The following KCNIP1 variants were observed in gnomAD, a reference collection of about 807,000 sequenced individuals.
The protein encoded by KCNIP1 is A-type potassium channel modulatory protein KCNIP1.
In KCNIP1, 18 loss-of-function variants were observed where a neutral mutation model predicts 33.0. That is an observed-to-expected ratio of 0.55 (90% CI 0.38 to 0.81). The LOEUF (loss-of-function observed/expected upper bound fraction) is 0.81, where lower values mean the gene tolerates loss of function less well. KCNIP1 is among the 30% of genes least tolerant of loss of function. The pLI, the probability that KCNIP1 is intolerant of heterozygous loss-of-function variation, is 0.00. For synonymous variants in KCNIP1, 93 were observed against 98.3 expected, an observed-to-expected ratio of 0.95 and a Z score of 0.32; for missense variants, 238 against 271.6, an observed-to-expected ratio of 0.88 and a Z score of 0.87.
intron 1 of KCNIP1, among the ~76,000 whole-genome samples, chr5:170,670,204 G>T (rs963232949): frequency 7.9e-5 from 12 of 152,170 alleles, no homozygotes; most frequent in African/African-American, 2.9e-4. Context: ...TTTTCTTAGT[G>T]AATATTTGTT....
chr5:170,705,468 G>A (rs949907006), intron 1 of KCNIP1, among the ~76,000 whole-genome samples: 1 of 152,186 alleles, frequency 6.6e-6, no homozygotes, highest in African/African-American at 2.4e-5. Flanking sequence ...TAAGGGCAGA[G>A]GAGCCAGAGC....
At chr5:170,419,819 G>A (rs1755433261) in intron 1 of KCNIP1, among the ~76,000 whole-genome samples, 1 of 152,334 alleles carries the variant, frequency 6.6e-6, no homozygotes, top group Admixed American at 6.5e-5. Context: ...ATGGGAGAAG[G>A]CAGCATGTTT....
At chr5:170,474,679 G>T (rs1756811927) in intron 1 of KCNIP1, among the ~76,000 whole-genome samples, 1 of 152,190 alleles carries the variant, frequency 6.6e-6, no homozygotes, top group African/African-American at 2.4e-5. Flanking sequence ...TTCAGAGAGG[G>T]TAAGTGACTT....
intron 1 of KCNIP1, among the ~76,000 whole-genome samples, chr5:170,529,637 C>A (rs767106870): frequency 1.3e-5 from 2 of 152,204 alleles, no homozygotes; most frequent in African/African-American, 4.8e-5. Flanking sequence ...CTTTGCAGGG[C>A]GCCTGCTTCC....
At chr5:170,608,510 G>A (rs983722943) in intron 1 of KCNIP1, among the ~76,000 whole-genome samples, 2 of 152,168 alleles carry the variant, frequency 1.3e-5, no homozygotes, top group African/African-American at 2.4e-5. Flanking sequence ...AGTGGCTCAC[G>A]CCAGTAATCC....
intron 1 of KCNIP1, among the ~76,000 whole-genome samples, chr5:170,578,191 A>T (rs1757670051): frequency 6.6e-6 from 1 of 152,246 alleles, no homozygotes; most frequent in South Asian, 2.1e-4. Context: ...AAGGGGGGAA[A>T]GAAAACTAGA....
intron 1 of KCNIP1, among the ~76,000 whole-genome samples, chr5:170,371,758 G>C (rs1763851991): frequency 6.6e-6 from 1 of 152,204 alleles, no homozygotes; most frequent in Non-Finnish European, 1.5e-5. Flanking sequence ...CAAGTGATCA[G>C]CTAAATATAT....
rs74892702 is a variant in KCNIP1, at chr5:170,560,436, G to T, written c.61+55803G>T. On this transcript the variant is annotated intron_variant, in intron 1 of 7. Transcript: ENST00000328939. ...AATATAAGATCTGAGTCTTATGATGGACTCTGTGACCTTGAGCCTCTCACC... is the reference window on the plus strand; with the variant it reads ...AATATAAGATCTGAGTCTTATGATGTACTCTGTGACCTTGAGCCTCTCACC... Among the ~76,000 whole-genome samples, 134 of 152,190 alleles carry T rather than the reference G, an allele frequency of 8.8e-4. No individual in the cohort carries two copies. In the Middle Eastern group the frequency reaches 0.01, roughly 12 times the overall value.
chr5:170,557,355 T>C (rs1450803301), intron 1 of KCNIP1, among the ~76,000 whole-genome samples: 1 of 152,172 alleles, frequency 6.6e-6, no homozygotes, highest in Non-Finnish European at 1.5e-5. Context: ...TGAAGATGGG[T>C]CCATTGCGAA....
intron 5 of KCNIP1, among the ~76,000 whole-genome samples, chr5:170,726,743 T>TAGAAAAAAAA (rs1764019336): frequency 3.5e-5 from 1 of 28,628 alleles, no homozygotes; most frequent in Admixed American, 4.4e-4. Flanking sequence ...CTACTAAAAA[T>TAGAAAAAAAA]ACAAAAAAAA....
At chr5:170,368,510 G>A (rs558525685) in intron 1 of KCNIP1, among the ~76,000 whole-genome samples, 41 of 152,142 alleles carry the variant, frequency 2.7e-4, no homozygotes, top group Non-Finnish European at 4.4e-4. Flanking sequence ...TGATCCGCCC[G>A]CCTCAGCCTC....
At chr5:170,598,971 G>T (rs900574539) in intron 1 of KCNIP1, among the ~76,000 whole-genome samples, 2 of 151,482 alleles carry the variant, frequency 1.3e-5, no homozygotes, top group African/African-American at 4.9e-5. Context: ...AGGCAGAAGA[G>T]GAAGAGAGGG....
intron 1 of KCNIP1, among the ~76,000 whole-genome samples, chr5:170,354,993 A>G (rs996525240): frequency 6.6e-6 from 1 of 152,254 alleles, no homozygotes; most frequent in African/African-American, 2.4e-5. Flanking sequence ...AATGACAATG[A>G]GAGCAGAGAA....
intron 1 of KCNIP1, among the ~76,000 whole-genome samples, chr5:170,525,147 C>T (rs1208685048): frequency 1.3e-5 from 2 of 152,192 alleles, no homozygotes; most frequent in African/African-American, 2.4e-5. Context: ...GAACCCACGC[C>T]TGGGAGCCAG....
intron 1 of KCNIP1, among the ~76,000 whole-genome samples, chr5:170,403,192 G>T (rs973606338): frequency 1.3e-4 from 20 of 152,128 alleles, no homozygotes; most frequent in African/African-American, 4.8e-4. Context: ...AGGTACCAGA[G>T]ATAAGAGCCA....
chr5:170,697,700 T>C (rs1762946452), intron 1 of KCNIP1, among the ~76,000 whole-genome samples: 1 of 152,208 alleles, frequency 6.6e-6, no homozygotes, highest in African/African-American at 2.4e-5. Context: ...AACTTCTTTC[T>C]GACCCTCATG....
intron 1 of KCNIP1, among the ~76,000 whole-genome samples, chr5:170,475,265 C>T (rs1756830643): frequency 6.6e-6 from 1 of 152,246 alleles, no homozygotes; most frequent in African/African-American, 2.4e-5. Context: ...AACCTCCAAG[C>T]TTTTTTATTT....
intron 5 of KCNIP1, among the ~76,000 whole-genome samples, chr5:170,725,863 A>G (rs1384198679): frequency 6.6e-6 from 1 of 152,234 alleles, no homozygotes; most frequent in Non-Finnish European, 1.5e-5. Flanking sequence ...CCCATATGTC[A>G]ATGCAACAGA....
At chr5:170,379,040 G>A (rs927253326) in intron 1 of KCNIP1, 1 of 1,550,172 alleles carries the variant, frequency 6.5e-7, no homozygotes, top group African/African-American at 1.4e-5. Flanking sequence ...GGCTTGATAT[G>A]GAGTAAAGAA....
Sources: allele counts gnomAD v4.1 joint callset (sites outside exome capture counted in the v4.1 genomes callset), GRCh38; gene constraint gnomAD v4.1.1; transcripts MANE v1.5; gene names NCBI Gene and HGNC (gene_info 2026-07-23, HGNC 2026-07-21).